RCAN1: variants seen among roughly 807,000 people sequenced by gnomAD.
RCAN1 encodes the protein calcipressin-1.
In RCAN1, 11 loss-of-function variants were observed where a neutral mutation model predicts 22.9. That is an observed-to-expected ratio of 0.48 (90% CI 0.30 to 0.79). The LOEUF (loss-of-function observed/expected upper bound fraction) is 0.79. Ranked by LOEUF, RCAN1 falls within the 30% of genes least tolerant of loss-of-function variation. RCAN1 has a pLI of 0.06. For synonymous variants in RCAN1, 136 were observed against 142.3 expected (o/e 0.96, Z 0.32); for missense variants, 291 against 337.8 (o/e 0.86, Z 1.09).
chr21:34,521,638 T>C lies in RCAN1; in HGVS notation c.447A>G (p.Ser149=). Residue 149 remains serine, a synonymous_variant, in exon 3 of 4, where the codon TCA becomes TCG. Transcript: ENST00000313806. The part of the protein sequence containing the change: ...YFAQTLHIGS[S]HLAPPNPDKQ... ...TGTCTGGATTTGGCGGAGCCAGGTG[T>C]GAGCTTCCTATGTGTAAGGTCTGAG... 1 of 1,612,964 alleles carries C rather than the reference T, an allele frequency of 6.2e-7. No homozygotes were observed. The highest frequency in any genetic ancestry group is 8.5e-7 in the Non-Finnish European group (1 of 1,179,424).
intron 1 of RCAN1, among the ~76,000 whole-genome samples, chr21:34,609,056 A>G (rs1988616378): frequency 6.6e-6 from 1 of 152,232 alleles, no homozygotes; most frequent in African/African-American, 2.4e-5. Context: ...AAGAATTTCT[A>G]TGATGATTGA....
chr21:34,581,644 G>GA (rs1256428448), intron 1 of RCAN1, among the ~76,000 whole-genome samples: 1 of 151,790 alleles, frequency 6.6e-6, no homozygotes, highest in Non-Finnish European at 1.5e-5. Flanking sequence ...TGTATATGAG[G>GA]AAAAAAAATC....
intron 1 of RCAN1, among the ~76,000 whole-genome samples, chr21:34,588,570 T>G (rs1987873467): frequency 2.6e-5 from 4 of 152,244 alleles, no homozygotes; most frequent in Admixed American, 2.6e-4. Flanking sequence ...AGAACTGTTG[T>G]GCACTATTGA....
At chr21:34,569,696 A>G (rs1306748547) in intron 1 of RCAN1, among the ~76,000 whole-genome samples, 1 of 152,222 alleles carries the variant, frequency 6.6e-6, no homozygotes, top group Non-Finnish European at 1.5e-5. Flanking sequence ...AGCGACTCAC[A>G]ATTTAAGCAC....
intron 1 of RCAN1, among the ~76,000 whole-genome samples, chr21:34,577,709 C>A (rs1301282273): frequency 6.6e-6 from 1 of 152,162 alleles, no homozygotes; most frequent in Non-Finnish European, 1.5e-5. Flanking sequence ...GTACTCCAGG[C>A]AGGAGTGTTA....
At chr21:34,599,188 T>C (rs1988256538) in intron 1 of RCAN1, among the ~76,000 whole-genome samples, 2 of 152,136 alleles carry the variant, frequency 1.3e-5, no homozygotes, top group African/African-American at 4.8e-5. Context: ...AAACAAAGAA[T>C]GCTATTTGCA....
chr21:34,606,589 C>T (rs1172351577), intron 1 of RCAN1, among the ~76,000 whole-genome samples: 2 of 152,086 alleles, frequency 1.3e-5, no homozygotes, highest in Admixed American at 1.3e-4. Context: ...TGCTTGCATC[C>T]CCCAAGTCCA....
chr21:34,606,068 T>G (rs1051618108), intron 1 of RCAN1, among the ~76,000 whole-genome samples: 1 of 152,118 alleles, frequency 6.6e-6, no homozygotes, highest in Admixed American at 6.6e-5. Flanking sequence ...AGAATGGGGA[T>G]GATAACAGTA....
At position 34,525,186 on chromosome 21, in the gene RCAN1, G is replaced by A. The variant is rs200902723; in HGVS notation, c.253-1476C>T. The stretch of plus-strand genomic sequence containing the variant: ...TCAGGAATGTTCACTGCTAGCAAGC[G>A]CGGGGAGGCACTGGTGGATGCCTGC... On this transcript the variant is annotated intron_variant, in intron 1 of 3. Transcript: ENST00000313806. 7.3e-5 allele frequency: 113 copies of A among 1,550,522 alleles called. 1 individual carries two copies. The highest frequency in any genetic ancestry group is 4.5e-4 in the South Asian group (38 of 84,064).
Position 34,614,785 on chromosome 21 carries a change from C to A in RCAN1, c.227G>T (p.Arg76Leu). 1.4e-6 allele frequency: 2 copies of A among 1,468,956 alleles called. No homozygotes were observed. Among genetic ancestry groups the A allele is most frequent in the East Asian group, 6.2e-5 (2 of 32,278 alleles). 91.0% of individuals were successfully genotyped at this position (1,468,956 alleles called of 1,614,324 possible). A position where few individuals can be genotyped will look rare whatever the true frequency, so the allele number is the denominator to read the frequency against. The change falls in exon 1 of 4, where the codon CGC becomes CTC. Residue 76 changes from arginine (R) to leucine (L), a missense_variant. Arg to Leu is a moderately radical substitution (Grantham distance 102). Coordinates refer to ENST00000313806, the MANE Select transcript of RCAN1 (RefSeq NM_004414.7). This position sits in a 1 kb window ranked among gnomAD's most constrained non-coding sequence, Gnocchi z 6.0. ...SATIACHLDP[R>L]VFVDGLCRAK... ...CCGGCACAGGCCGTCCACGAACACGCGCGGGTCCAGGTGACAGGCGATGGT... is the reference window on the plus strand; with the variant it reads ...CCGGCACAGGCCGTCCACGAACACGAGCGGGTCCAGGTGACAGGCGATGGT...
intron 1 of RCAN1, among the ~76,000 whole-genome samples, chr21:34,600,453 C>T (rs1988297107): frequency 6.6e-6 from 1 of 151,850 alleles, no homozygotes; most frequent in Non-Finnish European, 1.5e-5. Flanking sequence ...TGTTTTTCCT[C>T]TAAAAGGCAT....
At chr21:34,586,282 T>C (rs566385707) in intron 1 of RCAN1, among the ~76,000 whole-genome samples, 87 of 152,188 alleles carry the variant, frequency 5.7e-4, no homozygotes, top group African/African-American at 1.9e-3. Context: ...GAAACACTTA[T>C]CAAAACCGAC....
At chr21:34,605,421 A>G (rs1396056097) in intron 1 of RCAN1, among the ~76,000 whole-genome samples, 1 of 152,126 alleles carries the variant, frequency 6.6e-6, no homozygotes, top group Non-Finnish European at 1.5e-5. Flanking sequence ...ACTCCTCTTT[A>G]TATATATCGA....
rs183476767 is a variant in RCAN1 at position 34,532,461 on chromosome 21, C to G, written c.253-8751G>C. Reference sequence around the variant, plus strand: ...CGTGCTCACTTCAGTAGGTGACCACCTATGTGATGACACCCTGGTTCTAAA... The same window carrying G: ...CGTGCTCACTTCAGTAGGTGACCACGTATGTGATGACACCCTGGTTCTAAA... On this transcript the variant is annotated intron_variant, in intron 1 of 3. Transcript: ENST00000313806. Among the ~76,000 whole-genome samples, 230 of 152,374 alleles carry G rather than the reference C, an allele frequency of 1.5e-3. 3 individuals carry two copies. The highest frequency in any genetic ancestry group is 3.3e-3 in the Admixed American group (50 of 15,308).
intron 1 of RCAN1, among the ~76,000 whole-genome samples, chr21:34,550,956 A>G (rs114759531): frequency 0.012 from 1,878 of 152,332 alleles, 29 homozygotes; most frequent in African/African-American, 0.043. Flanking sequence ...GCTATCAACT[A>G]ATACCAAGCT....
At chr21:34,590,193 G>A (rs1025697103) in intron 1 of RCAN1, among the ~76,000 whole-genome samples, 2 of 152,116 alleles carry the variant, frequency 1.3e-5, no homozygotes, top group African/African-American at 4.8e-5. Flanking sequence ...TCCTCAGAGC[G>A]GCCCTCCAGG....
In RCAN1 at chr21:34,525,091, G is replaced by C. The variant is rs1394617205; in HGVS notation, c.253-1381C>G. 3.2e-6 allele frequency: 5 copies of C among 1,550,636 alleles called. No individual in the cohort carries two copies. In the Admixed American group the frequency reaches 9.8e-5, roughly 30 times the overall value. ...GCGGACAGAGCTCACTGAGGACCTT[G>C]GAGAACCTATGGAAGGCGCAGTGTC... On this transcript the variant is annotated intron_variant, in intron 1 of 3. Coordinates refer to ENST00000313806, the MANE Select transcript of RCAN1 (RefSeq NM_004414.7).
At chr21:34,601,098 T>A (rs9975370) in intron 1 of RCAN1, among the ~76,000 whole-genome samples, 45,503 of 152,126 alleles carry the variant, frequency 0.3, 7,042 homozygotes, top group East Asian at 0.45. Context: ...CAATATTTTC[T>A]TGTTCATGAT....
In RCAN1 at chr21:34,597,614, T is replaced by C. The variant is rs938041100; in HGVS notation, c.252+17146A>G. Among the ~76,000 whole-genome samples the C allele has an allele frequency of 5.9e-5, 9 of 152,214 alleles. No homozygotes were observed. The East Asian group carries it at 1.7e-3, about 29-fold the overall frequency. ...CAAGATACCTGAAGGTGAGATAAAA[T>C]ACCATATTGCCACACCCAAGCTATG... On this transcript the variant is annotated intron_variant, in intron 1 of 3. Transcript: ENST00000313806.
Sources: allele counts gnomAD v4.1 joint callset (sites outside exome capture counted in the v4.1 genomes callset), GRCh38; gene constraint gnomAD v4.1.1; non-coding constraint Gnocchi (gnomAD v3.1); transcripts MANE v1.5; gene names NCBI Gene and HGNC (gene_info 2026-07-23, HGNC 2026-07-21).